Variants in RAP1GAP2 observed in about 807,000 individuals in gnomAD.
RAP1GAP2 encodes the protein RAP1 GTPase activating protein 2, also known as rap1 GTPase-activating protein 2.
Under a neutral mutation model 95.0 loss-of-function variants are expected in RAP1GAP2, and 27 were observed. The ratio of observed to expected loss-of-function variants is 0.28; its 90% CI spans 0.21 to 0.39. The LOEUF is 0.39. Ranked by LOEUF, RAP1GAP2 falls within the 10% of genes least tolerant of loss-of-function variation. The probability of loss-of-function intolerance (pLI) is 1.00; values close to 1 mark genes in which losing one functional copy is unlikely to be tolerated. For synonymous variants in RAP1GAP2, 373 were observed against 380.9 expected (o/e 0.98, Z 0.24); for missense variants, 771 against 970.0 (o/e 0.79, Z 2.72).
At chr17:2,878,944 C>A (rs1415876694) in intron 2 of RAP1GAP2, among the ~76,000 whole-genome samples, 1 of 152,184 alleles carries the variant, frequency 6.6e-6, no homozygotes, top group African/African-American at 2.4e-5. Context: ...TTGTGACGAT[C>A]AGTGAGATGG....
At position 2,965,513 on chromosome 17, in the gene RAP1GAP2, C is replaced by T; in HGVS notation, c.493-27C>T. On this transcript the variant is annotated intron_variant, in intron 7 of 24. Coordinates refer to ENST00000254695, the MANE Select transcript of RAP1GAP2 (RefSeq NM_015085.5). This position sits in a 1 kb window ranked among gnomAD's most constrained non-coding sequence, Gnocchi z 4.7. ...TACCTGGAAGGTTTCTTCCTCCTTC[C>T]TGCTCACACTCAGTTTCTTTTTTTA... 1.3e-6 allele frequency: 2 copies of T among 1,565,546 alleles called. No individual in the cohort carries two copies. Among genetic ancestry groups the T allele is most frequent in the African/African-American group, 2.7e-5 (2 of 74,040 alleles).
intron 12 of RAP1GAP2, among the ~76,000 whole-genome samples, chr17:2,994,821 G>A (rs1342812757): frequency 1.3e-5 from 2 of 152,172 alleles, no homozygotes; most frequent in South Asian, 2.1e-4. Context: ...TTGATTGGTT[G>A]ATTGATTGAT....
At chr17:2,880,633 C>T (rs2073249807) in intron 2 of RAP1GAP2, among the ~76,000 whole-genome samples, 1 of 151,970 alleles carries the variant, frequency 6.6e-6, no homozygotes, top group African/African-American at 2.4e-5. Flanking sequence ...CCGTCACTCC[C>T]ACCCCCGCCT....
intron 3 of RAP1GAP2, among the ~76,000 whole-genome samples, chr17:2,908,132 C>T (rs1258740715): frequency 1.3e-5 from 2 of 152,100 alleles, no homozygotes; most frequent in Admixed American, 6.6e-5. Context: ...CGTCATTTTC[C>T]GGTGATTTGT....
At chr17:2,972,008 A>C (rs1432923966) in intron 8 of RAP1GAP2, among the ~76,000 whole-genome samples, 1 of 152,240 alleles carries the variant, frequency 6.6e-6, no homozygotes, top group Non-Finnish European at 1.5e-5. Flanking sequence ...AGAAGATTAA[A>C]TGATTACTAA....
chr17:2,908,336 T>G (rs1597579457), intron 3 of RAP1GAP2, among the ~76,000 whole-genome samples: 1 of 152,058 alleles, frequency 6.6e-6, no homozygotes, highest in Admixed American at 6.6e-5. Flanking sequence ...TGCTGAAGAT[T>G]TTAGAGTTTA....
chr17:2,755,796 T>TA, intron 1 of RAP1GAP2: 3 of 353,554 alleles, frequency 8.5e-6, no homozygotes, highest in Non-Finnish European at 1.5e-5. Context: ...GCGCGGGGCC[T>TA]AATGCGGGAG....
At chr17:2,816,030 ACT>A (rs34151724) in intron 2 of RAP1GAP2, among the ~76,000 whole-genome samples, 11,426 of 151,786 alleles carry the variant, frequency 0.075, 540 homozygotes, top group Non-Finnish European at 0.091. Flanking sequence ...TTTGATTCAC[ACT>A]CTGACCTTAT....
chr17:2,943,530 T>G (rs1049653568), intron 3 of RAP1GAP2, among the ~76,000 whole-genome samples: 1 of 151,940 alleles, frequency 6.6e-6, no homozygotes, highest in Non-Finnish European at 1.5e-5. Context: ...CTGGGTGTGG[T>G]GGCACACGCC....
chr17:2,831,769 C>G lies in RAP1GAP2; in HGVS notation c.80+31219C>G, dbSNP rs576262280. Among the ~76,000 whole-genome samples the G allele has an allele frequency of 2.6e-5, 4 of 152,040 alleles. No individual in the cohort carries two copies. The South Asian group carries it at 6.2e-4, about 24-fold the overall frequency. ...AAAAAATTAGATGTGGTGGTGCACA[C>G]CTGTAATCCCAGGTACTGGGGAGGC... On this transcript the variant is annotated intron_variant, in intron 2 of 24. Transcript: ENST00000254695.
chr17:2,809,205 G>T (rs1195021696), intron 2 of RAP1GAP2, among the ~76,000 whole-genome samples: 3 of 152,178 alleles, frequency 2.0e-5, no homozygotes, highest in Non-Finnish European at 2.9e-5. Flanking sequence ...CCCGGACTTG[G>T]CCAGGTCTTG....
At chr17:2,920,849 C>T (rs1254774745) in intron 3 of RAP1GAP2, among the ~76,000 whole-genome samples, 1 of 152,158 alleles carries the variant, frequency 6.6e-6, no homozygotes, top group Admixed American at 6.5e-5. Flanking sequence ...CGGGATGCTG[C>T]CAGATTCTGT....
rs2046221153 is a variant in RAP1GAP2, at chr17:3,003,167, C to T, written c.1201-2202C>T. 6.6e-6 allele frequency among the ~76,000 whole-genome samples: 1 copy of T among 152,156 alleles called. No individual in the cohort carries two copies. The highest frequency in any genetic ancestry group is 1.5e-5 in the Non-Finnish European group (1 of 68,028). On this transcript the variant is annotated intron_variant, in intron 14 of 24. Coordinates refer to ENST00000254695, the MANE Select transcript of RAP1GAP2 (RefSeq NM_015085.5). This position sits in a 1 kb window ranked among gnomAD's most constrained non-coding sequence, Gnocchi z 4.1. Reference sequence around the variant, plus strand: ...CCACTTAAGGCCTGAGGCCACAGAGCCAGGGAGCTGTGGCTGAGGTCCTGT... The same window carrying T: ...CCACTTAAGGCCTGAGGCCACAGAGTCAGGGAGCTGTGGCTGAGGTCCTGT...
intron 2 of RAP1GAP2, among the ~76,000 whole-genome samples, chr17:2,887,680 GT>G (rs34743914): frequency 3.5e-4 from 48 of 138,384 alleles, no homozygotes; most frequent in Non-Finnish European, 3.1e-4. Context: ...TGGTTTTTTT[GT>G]TTTTTTTTTT....
At position 2,904,942 on chromosome 17, in the gene RAP1GAP2, C is replaced by T. The variant is rs549943633; in HGVS notation, c.81-342C>T. ...TGTTGCCCAGGCTGGAGTGCAGTGG[C>T]GCCATCTTGGCTCACTGCAACCTCC... On this transcript the variant is annotated intron_variant, in intron 2 of 24. Transcript: ENST00000254695. The surrounding 1 kb of genome is among the most constrained non-coding windows in gnomAD (Gnocchi z 4.7). Among the ~76,000 whole-genome samples the T allele has an allele frequency of 1.1e-4, 17 of 152,088 alleles. No homozygotes were observed. The highest frequency in any genetic ancestry group is 6.2e-4 in the South Asian group (3 of 4,822).
chr17:2,838,760 A>T (rs188940403), intron 2 of RAP1GAP2, among the ~76,000 whole-genome samples: 2 of 152,174 alleles, frequency 1.3e-5, no homozygotes, highest in Admixed American at 6.6e-5. Context: ...CCCGGAGAGA[A>T]AGCTGTTTAT....
Position 3,029,801 on chromosome 17 carries a change from T to C in RAP1GAP2, c.2108-1121T>C, listed in dbSNP as rs1238403257. ...TGTTGACACCGGGCTCTGCCACCAC[T>C]CACACACACTTAACGGAATTTTATT... On this transcript the variant is annotated intron_variant, in intron 22 of 24. Coordinates refer to ENST00000254695, the MANE Select transcript of RAP1GAP2 (RefSeq NM_015085.5). The surrounding 1 kb of genome is among the most constrained non-coding windows in gnomAD (Gnocchi z 4.4). 6.6e-6 allele frequency among the ~76,000 whole-genome samples: 1 copy of C among 152,022 alleles called. No homozygotes were observed. Among genetic ancestry groups the C allele is most frequent in the Non-Finnish European group, 1.5e-5 (1 of 68,016 alleles).
chr17:2,954,393 C>T (rs892981514), intron 3 of RAP1GAP2, among the ~76,000 whole-genome samples: 5 of 151,936 alleles, frequency 3.3e-5, no homozygotes, highest in East Asian at 1.9e-4. Flanking sequence ...CTTGAGCCAC[C>T]ACGCCTGGCC....
At chr17:2,941,182 A>T (rs1157032964) in intron 3 of RAP1GAP2, among the ~76,000 whole-genome samples, 2 of 152,168 alleles carry the variant, frequency 1.3e-5, no homozygotes, top group African/African-American at 4.8e-5. Flanking sequence ...CGGGTGGATC[A>T]CTTGAGGTCA....
Sources: allele counts gnomAD v4.1 joint callset (sites outside exome capture counted in the v4.1 genomes callset), GRCh38; gene constraint gnomAD v4.1.1; non-coding constraint Gnocchi (gnomAD v3.1); transcripts MANE v1.5; gene names NCBI Gene and HGNC (gene_info 2026-07-23, HGNC 2026-07-21).